MAGI2: variants seen among roughly 807,000 people sequenced by gnomAD.
The protein encoded by MAGI2 is membrane-associated guanylate kinase, WW and PDZ domain-containing protein 2.
MAGI2 carries 35 observed loss-of-function variants against 133.3 expected under a neutral mutation model. That is an observed-to-expected ratio of 0.26 (90% CI 0.20 to 0.35). The LOEUF is 0.35. Ranked by LOEUF, MAGI2 falls within the 10% of genes least tolerant of loss-of-function variation. MAGI2 has a pLI of 1.00. For synonymous variants in MAGI2, 729 were observed against 710.6 expected, an observed-to-expected ratio of 1.03 and a Z score of -0.41; for missense variants, 1,636 against 1,863.4, an observed-to-expected ratio of 0.88 and a Z score of 2.25.
At chr7:79,175,256 G>C (rs1825989869) in intron 1 of MAGI2, among the ~76,000 whole-genome samples, 1 of 151,926 alleles carries the variant, frequency 6.6e-6, no homozygotes, top group South Asian at 2.1e-4. Context: ...TGTGTTGATA[G>C]ATGTGGAGAT....
At chr7:78,129,674 G>A (rs899113437) in intron 18 of MAGI2, among the ~76,000 whole-genome samples, 8 of 152,094 alleles carry the variant, frequency 5.3e-5, no homozygotes, top group Admixed American at 2.0e-4. Flanking sequence ...GCCAGATGCC[G>A]TGGCTCACGC....
chr7:79,186,502 T>G (rs1411168491), intron 1 of MAGI2, among the ~76,000 whole-genome samples: 2 of 148,956 alleles, frequency 1.3e-5, no homozygotes, highest in African/African-American at 4.9e-5. Context: ...TAGATTTGCA[T>G]GGTTGTGTTT....
chr7:79,301,375 T>C (rs1318455076), intron 1 of MAGI2, among the ~76,000 whole-genome samples: 1 of 152,232 alleles, frequency 6.6e-6, no homozygotes, highest in African/African-American at 2.4e-5. Flanking sequence ...TTTGCACCAA[T>C]GTGCCCTGGA....
intron 1 of MAGI2, among the ~76,000 whole-genome samples, chr7:79,315,156 A>G (rs1246372629): frequency 6.1e-5 from 8 of 132,086 alleles, no homozygotes; most frequent in Non-Finnish European, 1.3e-4. Flanking sequence ...TATAAACTAG[A>G]TTTAACTCTT....
At chr7:78,899,669 A>G (rs913987391) in intron 2 of MAGI2, among the ~76,000 whole-genome samples, 3 of 152,088 alleles carry the variant, frequency 2.0e-5, no homozygotes, top group African/African-American at 4.8e-5. Context: ...AAAACTACTG[A>G]CACTCCGGGT....
At chr7:79,245,863 C>A (rs867351893) in intron 1 of MAGI2, among the ~76,000 whole-genome samples, 1 of 152,154 alleles carries the variant, frequency 6.6e-6, no homozygotes, top group Non-Finnish European at 1.5e-5. Context: ...CAGCATGGCC[C>A]CAGCGGTGGT....
intron 20 of MAGI2, among the ~76,000 whole-genome samples, chr7:78,103,322 G>A (rs1292843317): frequency 6.6e-6 from 1 of 152,108 alleles, no homozygotes; most frequent in Non-Finnish European, 1.5e-5. Flanking sequence ...GTTCTCATTT[G>A]TAGTCAGCCT....
chr7:79,081,263 G>A lies in MAGI2; in HGVS notation c.302-74057C>T, dbSNP rs182105369. On this transcript the variant is annotated intron_variant, in intron 1 of 21. Transcript: ENST00000354212. Reference sequence around the variant, plus strand: ...CTATTTATCTCCATCTCAGTTCAAAGGTCATTTCCTAAGAACCCATGGCAC... The same window carrying A: ...CTATTTATCTCCATCTCAGTTCAAAAGTCATTTCCTAAGAACCCATGGCAC... Among the ~76,000 whole-genome samples the A allele has an allele frequency of 7.2e-5, 11 of 152,224 alleles. No individual in the cohort carries two copies. In the East Asian group the frequency reaches 1.9e-3, roughly 27 times the overall value.
intron 20 of MAGI2, among the ~76,000 whole-genome samples, chr7:78,094,106 T>C (rs1049417080): frequency 1.3e-5 from 2 of 152,222 alleles, no homozygotes; most frequent in Non-Finnish European, 2.9e-5. Flanking sequence ...GATATCAAGT[T>C]AATCTTTGCA....
At chr7:78,295,727 A>G (rs1797162785) in intron 9 of MAGI2, among the ~76,000 whole-genome samples, 1 of 152,120 alleles carries the variant, frequency 6.6e-6, no homozygotes, top group African/African-American at 2.4e-5. Context: ...GTCATCTATT[A>G]TGTCAGTAGC....
intron 3 of MAGI2, among the ~76,000 whole-genome samples, chr7:78,535,893 C>A (rs1252471151): frequency 1.3e-5 from 2 of 150,120 alleles, no homozygotes; most frequent in Non-Finnish European, 3.0e-5. Flanking sequence ...CCACCGCCTC[C>A]CCCCAACACT....
At chr7:79,146,832 A>T (rs1441708912) in intron 1 of MAGI2, among the ~76,000 whole-genome samples, 1 of 152,216 alleles carries the variant, frequency 6.6e-6, no homozygotes, top group Non-Finnish European at 1.5e-5. Flanking sequence ...CACAATGGAT[A>T]ATGTCTTTTC....
intron 3 of MAGI2, among the ~76,000 whole-genome samples, chr7:78,592,700 A>G (rs1358616368): frequency 6.6e-6 from 1 of 152,162 alleles, no homozygotes; most frequent in East Asian, 1.9e-4. Flanking sequence ...ATTTGCATGA[A>G]CTGTCAGGGG....
intron 1 of MAGI2, among the ~76,000 whole-genome samples, chr7:79,065,541 A>G (rs954325592): frequency 2.6e-5 from 4 of 152,010 alleles, no homozygotes; most frequent in African/African-American, 9.7e-5. Context: ...AACTATTCTC[A>G]TATATAATAC....
intron 1 of MAGI2, among the ~76,000 whole-genome samples, chr7:79,168,891 T>TATAG (rs1825222023): frequency 1.1e-3 from 6 of 5,420 alleles, no homozygotes; most frequent in Admixed American, 2.5e-3. Flanking sequence ...TAAAGATAGA[T>TATAG]ATATATATAT....
chr7:78,765,031 A>G (rs778685013), intron 2 of MAGI2, among the ~76,000 whole-genome samples: 1 of 152,230 alleles, frequency 6.6e-6, no homozygotes, highest in Non-Finnish European at 1.5e-5. Context: ...GGAGGAACGG[A>G]GAGGGAAAGA....
intron 2 of MAGI2, among the ~76,000 whole-genome samples, chr7:78,639,910 T>C (rs755653087): frequency 1.3e-5 from 2 of 152,060 alleles, no homozygotes; most frequent in African/African-American, 4.8e-5. Context: ...AAAGAAAACA[T>C]AAGTATCCAG....
chr7:78,441,735 C>G (rs1449501162), intron 6 of MAGI2, among the ~76,000 whole-genome samples: 1 of 151,922 alleles, frequency 6.6e-6, no homozygotes, highest in Non-Finnish European at 1.5e-5. Flanking sequence ...CCCACCTACA[C>G]AAGACATTTA....
At chr7:78,322,400 C>A (rs184352465) in intron 9 of MAGI2, among the ~76,000 whole-genome samples, 14 of 152,310 alleles carry the variant, frequency 9.2e-5, no homozygotes, top group Admixed American at 8.5e-4. Context: ...GTAAATGTGG[C>A]ACATATACAC....
Sources: gnomAD v4.1 joint callset for allele counts (sites outside exome capture counted in the v4.1 genomes callset) on GRCh38, gnomAD v4.1.1 for gene constraint, MANE v1.5 for transcripts, NCBI Gene and HGNC (gene_info 2026-07-23, HGNC 2026-07-21) for gene names.